Variants in ANO7 observed in about 807,000 individuals in gnomAD.
ANO7 encodes anoctamin-7.
ANO7 carries 114 observed loss-of-function variants against 115.8 expected under a neutral mutation model. That is an observed-to-expected ratio of 0.98 (90% confidence interval 0.85 to 1.15). ANO7 has a LOEUF of 1.15. ANO7 is among the 50% of genes most tolerant of loss of function. The probability of loss-of-function intolerance (pLI) is 0.00; values close to 1 mark genes in which losing one functional copy is unlikely to be tolerated. For synonymous variants in ANO7, 550 were observed against 498.2 expected, an observed-to-expected ratio of 1.10 and a Z score of -1.38; for missense variants, 1,302 against 1,201.2, an observed-to-expected ratio of 1.08 and a Z score of -1.24.
In ANO7 at chr2:241,224,359, G is replaced by C; in HGVS notation, c.*206G>C. 1 of 607,590 alleles carries C rather than the reference G, an allele frequency of 1.6e-6. No individual in the cohort carries two copies. Among genetic ancestry groups the C allele is most frequent in the Non-Finnish European group, 2.9e-6 (1 of 348,682 alleles). 37.6% of individuals were successfully genotyped at this position (607,590 alleles called of 1,614,324 possible). A position where few individuals can be genotyped will look rare whatever the true frequency, so the allele number is the denominator to read the frequency against. The stretch of plus-strand genomic sequence containing the variant: ...ACTCCATCCCCGGCAGGGAGGGACC[G>C]TCAGCTCACAAGGCCCTCTTTGTTT... On this transcript the variant is annotated 3_prime_UTR_variant, in exon 25 of 25. Transcript: ENST00000674324.
In ANO7 at chr2:241,212,573, T is replaced by C; in HGVS notation, c.1675T>C (p.Phe559Leu). Residue 559 changes from phenylalanine (F) to leucine (L), a missense_variant and splice_region_variant, in exon 17 of 25, where the codon TTT becomes CTT. Physicochemically the swap from Phe to Leu is conservative, Grantham distance 22. Coordinates refer to ENST00000674324, the MANE Select transcript of ANO7 (RefSeq NM_001370694.2). ...CTCATGATCTTGACTTTCTCCTAGG[T>C]TTGTGGGATACCCAGGCAACTACCA... ...PVYIAFFKGR[F>L]VGYPGNYHTL... 1.2e-6 allele frequency: 2 copies of C among 1,613,098 alleles called. No individual in the cohort carries two copies. The highest frequency in any genetic ancestry group is 2.2e-5 in the South Asian group (2 of 90,704).
At chr2:241,238,584 A>T in the ANO7 span, 1 of 1,294,554 alleles carries the variant, frequency 7.7e-7, no homozygotes, top group African/African-American at 1.5e-5. This position sits in a 1 kb window ranked among gnomAD's most constrained non-coding sequence, Gnocchi z 4.9. Flanking sequence ...TATGTGCGAC[A>T]GCCCCGCCTC....
the ANO7 span, among the ~76,000 whole-genome samples, chr2:241,233,005 A>G: frequency 6.6e-6 from 1 of 151,342 alleles, no homozygotes; most frequent in African/African-American, 2.4e-5. The surrounding 1 kb of genome is among the most constrained non-coding windows in gnomAD (Gnocchi z 4.3). Flanking sequence ...GGGAAGGGGA[A>G]GCAGCGGAAA....
chr2:241,196,832 T>G (rs1159250360), intron 4 of ANO7, among the ~76,000 whole-genome samples: 1 of 143,006 alleles, frequency 7.0e-6, no homozygotes, highest in African/African-American at 2.6e-5. Context: ...CTACTGTCAA[T>G]TCATTCGTGT....
intron 4 of ANO7, chr2:241,196,075 A>G: frequency 7.1e-7 from 1 of 1,416,666 alleles, no homozygotes; most frequent in South Asian, 1.6e-5. Context: ...TCTCTCATGG[A>G]AGTCGGAGCC....
At chr2:241,220,557 C>A (rs2068987348) in intron 21 of ANO7, among the ~76,000 whole-genome samples, 1 of 152,150 alleles carries the variant, frequency 6.6e-6, no homozygotes, top group African/African-American at 2.4e-5. Context: ...AAAGGCTGCA[C>A]ACAGTGGCTC....
the ANO7 span, among the ~76,000 whole-genome samples, chr2:241,232,339 G>A: frequency 6.6e-6 from 1 of 150,792 alleles, no homozygotes; most frequent in African/African-American, 2.4e-5. Context: ...GCAATGGCAT[G>A]ATCTCAGCTC....
At chr2:241,208,952 A>T (rs557295043) in intron 11 of ANO7, among the ~76,000 whole-genome samples, 20 of 152,204 alleles carry the variant, frequency 1.3e-4, no homozygotes, top group Admixed American at 7.2e-4. Flanking sequence ...GATCGAGACC[A>T]TCCTGGCTAA....
chr2:241,226,875 C>CCCT (rs562042935), downstream of ANO7, among the ~76,000 whole-genome samples: 2 of 152,140 alleles, frequency 1.3e-5, no homozygotes, highest in Non-Finnish European at 1.5e-5. Flanking sequence ...CAACGCCCCT[C>CCCT]CCTCCTCCTC....
chr2:241,209,759 C>A (rs2068678304), intron 13 of ANO7, 124 bp downstream of exon 13: 5 of 1,351,338 alleles, frequency 3.7e-6, no homozygotes, highest in East Asian at 2.5e-5. Context: ...ACCCTCACTC[C>A]CCGCAGAGAG....
At chr2:241,192,669 C>A (rs1255520084) in intron 3 of ANO7, among the ~76,000 whole-genome samples, 1 of 152,160 alleles carries the variant, frequency 6.6e-6, no homozygotes, top group African/African-American at 2.4e-5. Flanking sequence ...AGGTGGAAGC[C>A]ATCCACGTGT....
At chr2:241,236,358 G>A in the ANO7 span, 1 of 523,972 alleles carries the variant, frequency 1.9e-6, no homozygotes, top group Admixed American at 3.4e-5. Context: ...CCCACCGTGG[G>A]CCTGAGAGGC....
At chr2:241,232,510 A>C in the ANO7 span, among the ~76,000 whole-genome samples, 1 of 152,314 alleles carries the variant, frequency 6.6e-6, no homozygotes, top group African/African-American at 2.4e-5. Context: ...TCCTGACCTC[A>C]GGGGATCCAC....
At chr2:241,232,551 C>T in the ANO7 span, among the ~76,000 whole-genome samples, 2 of 152,322 alleles carry the variant, frequency 1.3e-5, no homozygotes, top group South Asian at 2.1e-4. Flanking sequence ...GTTGGGATTA[C>T]AGGCGTGAGC....
intron 4 of ANO7, chr2:241,199,090 A>C: frequency 1.9e-6 from 1 of 522,372 alleles, no homozygotes; most frequent in Non-Finnish European, 3.5e-6. Flanking sequence ...GTCTGCAGCA[A>C]ATCTGTTGCT....
downstream of ANO7, chr2:241,229,811 A>C: frequency 1.6e-6 from 1 of 622,204 alleles, no homozygotes. Context: ...GGGACCCAGG[A>C]GGGCAGAAGC....
Position 241,209,517 on chromosome 2 carries a change from T to C in ANO7, c.1241T>C (p.Phe414Ser). 1.9e-6 allele frequency: 3 copies of C among 1,591,310 alleles called. No individual in the cohort carries two copies. The highest frequency in any genetic ancestry group is 2.6e-6 in the Non-Finnish European group (3 of 1,168,576). Reference protein sequence around the residue: ...EDTEERPRPQFAASAPMTAPN... With the variant: ...EDTEERPRPQSAASAPMTAPN... ...TTCCAGGAGAGGCCTCGGCCCCAGT[T>C]TGCCGCCTCAGCCCCCATGACAGCC... The change falls in exon 13 of 25, where the codon TTT becomes TCT. Residue 414 changes from phenylalanine (F) to serine (S), a missense_variant. Transcript: ENST00000674324.
At chr2:241,209,459 C>G (rs775598388) in intron 12 of ANO7, 31 bp downstream of exon 12, 1 of 1,599,080 alleles carries the variant, frequency 6.3e-7, no homozygotes, top group Non-Finnish European at 8.5e-7. Flanking sequence ...CACGGTCACA[C>G]CCGGCGAGGG....
chr2:241,197,777 A>C (rs2068378902), intron 4 of ANO7, among the ~76,000 whole-genome samples: 1 of 151,294 alleles, frequency 6.6e-6, no homozygotes, highest in Non-Finnish European at 1.5e-5. Flanking sequence ...CAGCCTCCCG[A>C]GTAGCTGGGA....
Sources: gnomAD v4.1 joint callset for allele counts (sites outside exome capture counted in the v4.1 genomes callset) on GRCh38, gnomAD v4.1.1 for gene constraint, Gnocchi (gnomAD v3.1) non-coding constraint, MANE v1.5 for transcripts, NCBI Gene and HGNC (gene_info 2026-07-23, HGNC 2026-07-21) for gene names.